Variants in VPS8 observed in about 807,000 individuals in gnomAD.
VPS8 encodes VPS8 subunit of CORVET complex, also known as vacuolar protein sorting-associated protein 8 homolog.
A neutral mutation model predicts 216.4 loss-of-function variants in VPS8; 129 were observed. The ratio of observed to expected loss-of-function variants is 0.60; its 90% CI spans 0.52 to 0.69. VPS8 has a LOEUF of 0.69. Ranked by LOEUF, VPS8 falls within the 30% of genes least tolerant of loss-of-function variation. The pLI, the probability that VPS8 is intolerant of heterozygous loss-of-function variation, is 0.00. For synonymous variants in VPS8, 571 were observed against 565.4 expected (o/e 1.01, Z -0.14); for missense variants, 1,531 against 1,683.5 (o/e 0.91, Z 1.59).
chr3:184,885,976 A>G (rs1731143545), intron 21 of VPS8, 134 bp from the exon 22 acceptor site: 1 of 945,656 alleles, frequency 1.1e-6, no homozygotes, highest in African/African-American at 1.6e-5. Context: ...CATAATGCCA[A>G]ATTGCTTACC....
chr3:185,039,797 T>C (rs961252068), intron 46 of VPS8, among the ~76,000 whole-genome samples: 9 of 152,092 alleles, frequency 5.9e-5, no homozygotes, highest in African/African-American at 2.2e-4. Flanking sequence ...GCAGTAGAAA[T>C]TGGGCTGGCT....
intron 46 of VPS8, among the ~76,000 whole-genome samples, chr3:185,030,926 C>A (rs1286541542): frequency 2.0e-5 from 3 of 151,804 alleles, no homozygotes; most frequent in African/African-American, 7.3e-5. Flanking sequence ...CCATGCCTGG[C>A]TGATTTTTTT....
At chr3:184,940,105 TA>T in intron 35 of VPS8, 91 bp from the exon 36 acceptor site, 2 of 565,998 alleles carry the variant, frequency 3.5e-6, no homozygotes, top group Non-Finnish European at 5.7e-6. Flanking sequence ...TATCTGTGCA[TA>T]AAGGGATAGG....
chr3:184,875,077 T>G lies in VPS8; in HGVS notation c.1734+4272T>G, dbSNP rs1046578221. On this transcript the variant is annotated intron_variant, in intron 21 of 47. Transcript: ENST00000625842. ...AAAACTTTTTTTTTTTTTTTTTTTT[T>G]GCTCAGTGGGAAGGTCTCAGATTCT... Among the ~76,000 whole-genome samples, 173 of 119,312 alleles carry G rather than the reference T, an allele frequency of 1.4e-3. 1 individual carries two copies. The highest frequency in any genetic ancestry group is 5.8e-3 in the African/African-American group (166 of 28,612). 78.3% of individuals were successfully genotyped at this position (119,312 alleles called of 152,430 possible).
rs1229762042 is a variant in VPS8 at position 184,863,012 on chromosome 3, A to G, written c.1340A>G (p.Tyr447Cys). The G allele has an allele frequency of 2.5e-6, 4 of 1,613,370 alleles. No individual in the cohort carries two copies. In the South Asian group the frequency reaches 3.3e-5, roughly 13 times the overall value. ...TVEISEVQLV[Y>C]NSSHFKSLAT... Reference sequence around the variant, plus strand: ...GAGATCTCAGAAGTTCAGCTGGTCTACAATAGCAGCCATTTCAAATCACTA... The same window carrying G: ...GAGATCTCAGAAGTTCAGCTGGTCTGCAATAGCAGCCATTTCAAATCACTA... Residue 447 changes from tyrosine (Y) to cysteine (C), a missense_variant, in exon 16 of 48, where the codon TAC (tyrosine) becomes TGC (cysteine). Transcript: ENST00000625842.
intron 45 of VPS8, among the ~76,000 whole-genome samples, chr3:185,006,639 C>A (rs1173705332): frequency 6.6e-6 from 1 of 152,118 alleles, no homozygotes; most frequent in East Asian, 1.9e-4. Flanking sequence ...GAAAGTTTTA[C>A]TTTGCCCCCT....
intron 44 of VPS8, among the ~76,000 whole-genome samples, chr3:184,996,883 G>C (rs182785920): frequency 5.9e-5 from 9 of 152,272 alleles, no homozygotes; most frequent in African/African-American, 2.2e-4. Context: ...ATAACTTGCT[G>C]GTGTATTAGA....
At position 184,936,251 on chromosome 3, in the gene VPS8, C is replaced by T. The variant is rs374095291; in HGVS notation, c.2904C>T (p.Leu968=). The stretch of plus-strand genomic sequence containing the variant: ...GTCTTTTCCTTTAACTCCAGGAACT[C>T]GTGTCCCTGAAGCCTTGTAAAGCTG... The part of the protein sequence containing the change: ...WQKAMDHIEE[L]VSLKPCKAAE... Residue 968 remains leucine (L), a synonymous_variant, in exon 35 of 48, where the codon CTC becomes CTT. Transcript: ENST00000625842. 2.5e-4 allele frequency: 409 copies of T among 1,606,902 alleles called. 2 individuals are homozygous for T. In the African/African-American group the frequency reaches 4.4e-3, roughly 17 times the overall value.
At chr3:185,021,990 T>C (rs1159908571) in intron 45 of VPS8, among the ~76,000 whole-genome samples, 1 of 152,196 alleles carries the variant, frequency 6.6e-6, no homozygotes, top group Non-Finnish European at 1.5e-5. Context: ...GGTTTGGCCA[T>C]GTCCCCACAC....
chr3:185,023,860 A>G (rs1470570660), intron 45 of VPS8, among the ~76,000 whole-genome samples: 7 of 152,134 alleles, frequency 4.6e-5, no homozygotes, highest in Non-Finnish European at 7.4e-5. Context: ...CTGTACTATT[A>G]TCTTTTCTTC....
chr3:184,947,125 C>T (rs940894835), intron 36 of VPS8, among the ~76,000 whole-genome samples: 4 of 152,108 alleles, frequency 2.6e-5, no homozygotes, highest in African/African-American at 4.8e-5. Context: ...TCCCAGATTC[C>T]GCTGGTACCT....
Position 184,824,555 on chromosome 3 carries a change from T to G in VPS8, c.-78T>G. 7.0e-7 allele frequency: 1 copy of G among 1,424,802 alleles called. No individual in the cohort carries two copies. The highest frequency in any genetic ancestry group is 9.6e-7 in the Non-Finnish European group (1 of 1,046,898). 88.3% of individuals were successfully genotyped at this position (1,424,802 alleles called of 1,614,324 possible). A position where few individuals can be genotyped will look rare whatever the true frequency, so the allele number is the denominator to read the frequency against. On this transcript the variant is annotated 5_prime_UTR_variant, in exon 2 of 48. In the 5' UTR this introduces an upstream ATG that the reference lacks. Transcript: ENST00000625842. Reference sequence around the variant, plus strand: ...TCTTTTTTTGAAAAGAGATAATCATTCAGGTCTTCGTGAGCTAAGGCCAAA... The same window carrying G: ...TCTTTTTTTGAAAAGAGATAATCATGCAGGTCTTCGTGAGCTAAGGCCAAA...
intron 1 of VPS8, among the ~76,000 whole-genome samples, chr3:184,815,111 T>C (rs1560224997): frequency 6.6e-6 from 1 of 152,180 alleles, no homozygotes; most frequent in African/African-American, 2.4e-5. Flanking sequence ...GGAACTGTCA[T>C]CTCTTATGAT....
chr3:185,000,460 C>T (rs1457391047), intron 45 of VPS8, among the ~76,000 whole-genome samples: 1 of 152,086 alleles, frequency 6.6e-6, no homozygotes, highest in African/African-American at 2.4e-5. Context: ...GGGACTTGAT[C>T]ATTGTGCTCT....
At chr3:184,830,760 T>A (rs1030896690) in intron 3 of VPS8, among the ~76,000 whole-genome samples, 8 of 152,218 alleles carry the variant, frequency 5.3e-5, no homozygotes, top group African/African-American at 1.7e-4. Flanking sequence ...TCTGAATTAT[T>A]TCCTTCCCTT....
intron 1 of VPS8, among the ~76,000 whole-genome samples, chr3:184,823,574 T>G (rs1462959928): frequency 6.6e-6 from 1 of 152,188 alleles, no homozygotes; most frequent in African/African-American, 2.4e-5. Flanking sequence ...AACATCTAGT[T>G]TAGGAAACAA....
chr3:184,848,916 TA>T (rs1188026444), intron 8 of VPS8, 154 bp from the exon 9 acceptor site: 1 of 727,096 alleles, frequency 1.4e-6, no homozygotes, highest in East Asian at 3.3e-5. Flanking sequence ...CAGCATCTGC[TA>T]GTTGCTCAAT....
chr3:184,978,326 C>G (rs965059078), intron 40 of VPS8, among the ~76,000 whole-genome samples: 2 of 151,980 alleles, frequency 1.3e-5, no homozygotes, highest in Non-Finnish European at 2.9e-5. Flanking sequence ...ATCTTCTCTC[C>G]TTTTCCCTCC....
intron 23 of VPS8, among the ~76,000 whole-genome samples, chr3:184,896,969 A>G (rs1733609964): frequency 6.6e-6 from 1 of 152,204 alleles, no homozygotes; most frequent in Non-Finnish European, 1.5e-5. Context: ...GAAGATTGTT[A>G]TAGGTAAAAG....
Sources: gnomAD v4.1 joint callset for allele counts (sites outside exome capture counted in the v4.1 genomes callset) on GRCh38, gnomAD v4.1.1 for gene constraint, MANE v1.5 for transcripts, NCBI Gene and HGNC (gene_info 2026-07-23, HGNC 2026-07-21) for gene names.